Variants in TUBGCP3 observed in about 807,000 individuals in gnomAD.
TUBGCP3 encodes the protein tubulin gamma complex component 3.
In TUBGCP3, 50 loss-of-function variants were observed where a neutral mutation model predicts 123.1. That is an observed-to-expected ratio of 0.41 (90% CI 0.32 to 0.51). The LOEUF is 0.51. Ranked by LOEUF, TUBGCP3 falls within the 20% of genes least tolerant of loss-of-function variation. The pLI is 0.36. For synonymous variants in TUBGCP3, 405 were observed against 413.9 expected, an observed-to-expected ratio of 0.98 and a Z score of 0.26; for missense variants, 882 against 1,127.0, an observed-to-expected ratio of 0.78 and a Z score of 3.11.
chr13:112,516,634 A>T (rs1321276148), intron 16 of TUBGCP3, 59 bp from the exon 17 acceptor site: 2 of 1,529,720 alleles, frequency 1.3e-6, no homozygotes, highest in Non-Finnish European at 1.8e-6. Flanking sequence ...CTCTCAGTAC[A>T]GGTCTCAATC....
intron 14 of TUBGCP3, chr13:112,521,713 A>T (rs1311616324): frequency 1.0e-6 from 1 of 985,294 alleles, no homozygotes; most frequent in African/African-American, 1.7e-5. Flanking sequence ...TCTTCTAAAC[A>T]CTTGGGTGAA....
At position 112,566,485 on chromosome 13, in the gene TUBGCP3, A is replaced by C. The variant is rs1208334746; in HGVS notation, c.185-1307T>G. On this transcript the variant is annotated intron_variant, in intron 2 of 21. Coordinates refer to ENST00000261965, the MANE Select transcript of TUBGCP3 (RefSeq NM_006322.6). ...AAAAAAGGATCTTGGTATGAAGCAC[A>C]TACCAGAGATTACATAATCTAATCA... Among the ~76,000 whole-genome samples the C allele has an allele frequency of 2.0e-5, 3 of 152,364 alleles. No homozygotes were observed. In the East Asian group the frequency reaches 5.8e-4, roughly 29 times the overall value.
At chr13:112,537,173 T>C (rs984427892) in intron 11 of TUBGCP3, among the ~76,000 whole-genome samples, 1 of 145,362 alleles carries the variant, frequency 6.9e-6, no homozygotes, top group Non-Finnish European at 1.5e-5. Context: ...CCTTGACTAA[T>C]TATCCTGGCC....
the TUBGCP3 span, among the ~76,000 whole-genome samples, chr13:112,598,193 T>C: frequency 1.3e-5 from 2 of 152,040 alleles, no homozygotes; most frequent in African/African-American, 2.4e-5. Context: ...TCTAGAATTC[T>C]ATACTCAGCC....
In TUBGCP3 at chr13:112,524,473, G is replaced by A. The variant is rs895178748; in HGVS notation, c.1556-1964C>T. 4.6e-5 allele frequency among the ~76,000 whole-genome samples: 7 copies of A among 152,282 alleles called. No homozygotes were observed. The highest frequency in any genetic ancestry group is 3.9e-4 in the East Asian group (2 of 5,178). On this transcript the variant is annotated intron_variant, in intron 13 of 21. Transcript: ENST00000261965. The surrounding 1 kb of genome is among the most constrained non-coding windows in gnomAD (Gnocchi z 4.4). The stretch of plus-strand genomic sequence containing the variant: ...CCCAGGCACAGCCCATGTGTGCGCC[G>A]CCTTCTCTAGGAACTATGAAAGGTC...
intron 3 of TUBGCP3, among the ~76,000 whole-genome samples, chr13:112,559,933 G>A (rs1282750066): frequency 3.3e-5 from 5 of 151,958 alleles, no homozygotes; most frequent in Non-Finnish European, 5.9e-5. Context: ...TTAGGAGTTC[G>A]AGACCAGCCT....
chr13:112,518,349 T>C (rs1026058401), intron 16 of TUBGCP3, among the ~76,000 whole-genome samples: 6 of 152,236 alleles, frequency 3.9e-5, no homozygotes, highest in African/African-American at 1.4e-4. Flanking sequence ...AGAAATGCAA[T>C]GTCCTTCTTC....
intron 8 of TUBGCP3, among the ~76,000 whole-genome samples, chr13:112,552,444 C>G (rs1879663766): frequency 6.6e-6 from 1 of 152,328 alleles, no homozygotes; most frequent in East Asian, 1.9e-4. Context: ...CAGCTCACTC[C>G]TATCTGCCCT....
chr13:112,569,474 C>A lies in TUBGCP3; in HGVS notation c.77-215G>T, dbSNP rs371361785. Among the ~76,000 whole-genome samples, 10 of 152,100 alleles carry A rather than the reference C, an allele frequency of 6.6e-5. No homozygotes were observed. The East Asian group carries it at 1.7e-3, about 26-fold the overall frequency. ...AATAAGAATGAGAACAGTAACACAC[C>A]AGAGAGTCTGAAAAATCCTAGATGA... On this transcript the variant is annotated intron_variant, in intron 1 of 21. Coordinates refer to ENST00000261965, the MANE Select transcript of TUBGCP3 (RefSeq NM_006322.6).
At chr13:112,572,183 C>T (rs888761841) in intron 1 of TUBGCP3, among the ~76,000 whole-genome samples, 1 of 152,214 alleles carries the variant, frequency 6.6e-6, no homozygotes, top group Non-Finnish European at 1.5e-5. Context: ...GCCTTCCTCA[C>T]CAAGCTTAAC....
chr13:112,550,241 C>CA (rs1879446914), intron 8 of TUBGCP3, among the ~76,000 whole-genome samples: 1 of 151,990 alleles, frequency 6.6e-6, no homozygotes, highest in Admixed American at 6.6e-5. Flanking sequence ...AAAACTCCAT[C>CA]AAAAAATTTT....
intron 1 of TUBGCP3, among the ~76,000 whole-genome samples, chr13:112,584,597 T>G (rs1402126233): frequency 6.6e-6 from 1 of 152,236 alleles, no homozygotes; most frequent in Admixed American, 6.5e-5. Flanking sequence ...CTTCTGATAG[T>G]GGCTTGTAGG....
intron 20 of TUBGCP3, chr13:112,498,664 C>T (rs1297411250): frequency 1.8e-6 from 2 of 1,111,090 alleles, no homozygotes; most frequent in African/African-American, 3.2e-5. Flanking sequence ...CCTGTAGATG[C>T]ACACGTTTGC....
intron 10 of TUBGCP3, chr13:112,547,246 T>A: frequency 2.5e-6 from 1 of 395,974 alleles, no homozygotes; most frequent in East Asian, 3.6e-5. Context: ...TGGGGAGCCA[T>A]AACCAAGGAC....
In TUBGCP3 at chr13:112,556,045, T is replaced by C; in HGVS notation, c.721+7A>G. 1.2e-6 allele frequency: 2 copies of C among 1,610,130 alleles called. No homozygotes were observed. Among genetic ancestry groups the C allele is most frequent in the Non-Finnish European group, 8.5e-7 (1 of 1,176,848 alleles). ...GAAAAGCTGTATTAACATAGATCCT[T>C]ACTCACCACCCGTATCCCCTTCTCT... On this transcript the variant is annotated splice_region_variant and intron_variant, in intron 6 of 21. Coordinates refer to ENST00000261965, the MANE Select transcript of TUBGCP3 (RefSeq NM_006322.6).
At chr13:112,490,329 C>A (rs1056583534) in intron 20 of TUBGCP3, among the ~76,000 whole-genome samples, 2 of 152,210 alleles carry the variant, frequency 1.3e-5, no homozygotes, top group African/African-American at 4.8e-5. Flanking sequence ...GATCTCAGCT[C>A]ACTGCAACCT....
chr13:112,569,109 G>A (rs377578627), intron 2 of TUBGCP3, 43 bp downstream of exon 2: 28 of 1,589,566 alleles, frequency 1.8e-5, no homozygotes, highest in Non-Finnish European at 2.2e-5. Flanking sequence ...AAGCTCTGAC[G>A]AGTTTAAGAA....
At chr13:112,558,823 C>A (rs1880267177) in intron 4 of TUBGCP3, among the ~76,000 whole-genome samples, 1 of 152,188 alleles carries the variant, frequency 6.6e-6, no homozygotes, top group South Asian at 2.1e-4. Context: ...ACGCTTCAAC[C>A]TCTTTGCACT....
At chr13:112,542,913 C>G (rs1878644917) in intron 11 of TUBGCP3, among the ~76,000 whole-genome samples, 1 of 152,060 alleles carries the variant, frequency 6.6e-6, no homozygotes, top group Non-Finnish European at 1.5e-5. Flanking sequence ...TTTGAGAGGC[C>G]AAGGTGGGCG....
Sources: allele counts gnomAD v4.1 joint callset (sites outside exome capture counted in the v4.1 genomes callset), GRCh38; gene constraint gnomAD v4.1.1; non-coding constraint Gnocchi (gnomAD v3.1); transcripts MANE v1.5; gene names NCBI Gene and HGNC (gene_info 2026-07-23, HGNC 2026-07-21).